The following CACNA2D3 variants were observed in gnomAD, a reference collection of about 807,000 sequenced individuals.
The protein encoded by CACNA2D3 is voltage-dependent calcium channel subunit alpha-2/delta-3.
CACNA2D3 carries 60 observed loss-of-function variants against 160.6 expected under a neutral mutation model. That is an observed-to-expected ratio of 0.37 (90% CI 0.30 to 0.46). The LOEUF is 0.46. CACNA2D3 is among the 20% of genes least tolerant of loss of function. The pLI, the probability that CACNA2D3 is intolerant of heterozygous loss-of-function variation, is 1.00. For missense variants in CACNA2D3, 1,205 were observed against 1,365.0 expected (o/e 0.88, Z 1.85); for synonymous variants, 558 against 492.9 (o/e 1.13, Z -1.75).
intron 26 of CACNA2D3, 62 bp from the exon 27 acceptor site, chr3:54,899,726 C>T: frequency 8.3e-7 from 1 of 1,208,388 alleles, no homozygotes; most frequent in Non-Finnish European, 1.2e-6. Flanking sequence ...GATATGATTA[C>T]TCTCTTAACG....
At chr3:54,521,524 T>C (rs1442818030) in intron 5 of CACNA2D3, among the ~76,000 whole-genome samples, 3 of 152,190 alleles carry the variant, frequency 2.0e-5, no homozygotes, top group African/African-American at 7.2e-5. Flanking sequence ...TGATGCTCTT[T>C]GAAGAACAAA....
chr3:54,151,004 A>G (rs1201258211), intron 2 of CACNA2D3, among the ~76,000 whole-genome samples: 1 of 151,968 alleles, frequency 6.6e-6, no homozygotes, highest in East Asian at 1.9e-4. Context: ...GGGTGGATAG[A>G]TGAATGAATG....
At chr3:54,361,101 A>T (rs1698734176) in intron 3 of CACNA2D3, among the ~76,000 whole-genome samples, 1 of 152,110 alleles carries the variant, frequency 6.6e-6, no homozygotes, top group Admixed American at 6.6e-5. Flanking sequence ...ATAAAAATGT[A>T]ATGTTTCTTA....
At chr3:54,898,064 C>CGCTCGCTTGCTT (rs1700232087) in intron 26 of CACNA2D3, among the ~76,000 whole-genome samples, 1 of 151,098 alleles carries the variant, frequency 6.6e-6, no homozygotes, top group Non-Finnish European at 1.5e-5. Context: ...GTCCGAAGCT[C>CGCTCGCTTGCTT]GCTTGCTTGC....
intron 29 of CACNA2D3, among the ~76,000 whole-genome samples, chr3:54,980,527 T>C (rs1318176488): frequency 6.6e-6 from 1 of 152,168 alleles, no homozygotes; most frequent in South Asian, 2.1e-4. Flanking sequence ...ACACCTTGAG[T>C]GTAGAACTGT....
chr3:55,032,340 G>A (rs940316114), intron 35 of CACNA2D3, among the ~76,000 whole-genome samples: 4 of 152,124 alleles, frequency 2.6e-5, no homozygotes, highest in African/African-American at 7.2e-5. Flanking sequence ...GGTTTGCTTT[G>A]GAAACTGAAA....
At chr3:54,625,551 G>C (rs1699079124) in intron 9 of CACNA2D3, among the ~76,000 whole-genome samples, 1 of 152,222 alleles carries the variant, frequency 6.6e-6, no homozygotes, top group Admixed American at 6.5e-5. Flanking sequence ...TGATGGGCCA[G>C]AGGGCAAGGA....
intron 11 of CACNA2D3, among the ~76,000 whole-genome samples, chr3:54,697,639 A>G (rs138713220): frequency 1.5e-4 from 23 of 152,254 alleles, no homozygotes; most frequent in Non-Finnish European, 2.6e-4. Flanking sequence ...TCTGGAAGGA[A>G]TGGAGCCATG....
intron 4 of CACNA2D3, among the ~76,000 whole-genome samples, chr3:54,442,234 C>T (rs1034486117): frequency 3.3e-5 from 5 of 152,136 alleles, no homozygotes; most frequent in Non-Finnish European, 7.3e-5. Context: ...TCTCAGCCTC[C>T]CTTGCATCTC....
At chr3:55,018,439 C>A in intron 35 of CACNA2D3, 122 bp downstream of exon 35, 1 of 631,544 alleles carries the variant, frequency 1.6e-6, no homozygotes, top group Non-Finnish European at 2.9e-6. Context: ...TGCCCTCTTG[C>A]GTAAGGAAGT....
At chr3:54,343,193 C>A (rs1698393523) in intron 3 of CACNA2D3, among the ~76,000 whole-genome samples, 1 of 152,210 alleles carries the variant, frequency 6.6e-6, no homozygotes, top group Admixed American at 6.5e-5. Flanking sequence ...TTAAAGCCCC[C>A]CCCTCCCACG....
chr3:55,054,384 T>C (rs1017912798), intron 35 of CACNA2D3, among the ~76,000 whole-genome samples: 3 of 151,828 alleles, frequency 2.0e-5, no homozygotes, highest in African/African-American at 7.2e-5. Flanking sequence ...TGACCTGACT[T>C]CAGGTATACT....
intron 4 of CACNA2D3, among the ~76,000 whole-genome samples, chr3:54,472,607 C>G (rs929570617): frequency 6.6e-6 from 1 of 152,298 alleles, no homozygotes; most frequent in African/African-American, 2.4e-5. Flanking sequence ...TGTCTGTTTG[C>G]AGATGACATG....
At chr3:54,768,057 AG>A (rs1167091187) in intron 13 of CACNA2D3, among the ~76,000 whole-genome samples, 1 of 152,180 alleles carries the variant, frequency 6.6e-6, no homozygotes, top group Non-Finnish European at 1.5e-5. Context: ...AAGACCAGTT[AG>A]GGCAAAGGTC....
rs546347996 is a variant in CACNA2D3, at chr3:55,028,391, A to C, written c.2987+10074A>C. 5.3e-4 allele frequency among the ~76,000 whole-genome samples: 80 copies of C among 152,282 alleles called. 1 individual carries two copies. The South Asian group carries it at 0.011, about 21-fold the overall frequency. On this transcript the variant is annotated intron_variant, in intron 35 of 37. Coordinates refer to ENST00000474759, the MANE Select transcript of CACNA2D3 (RefSeq NM_018398.3). Reference sequence around the variant, plus strand: ...GGTGGTTTGGCTGCTCTAACCAATAATTTTTGTCATCCAATACCCCACTGA... The same window carrying C: ...GGTGGTTTGGCTGCTCTAACCAATACTTTTTGTCATCCAATACCCCACTGA...
chr3:54,326,163 TC>T (rs1471267207), intron 3 of CACNA2D3, among the ~76,000 whole-genome samples: 1 of 152,218 alleles, frequency 6.6e-6, no homozygotes, highest in Admixed American at 6.5e-5. Flanking sequence ...AAGCTTTTTA[TC>T]GAGAAATTCC....
At chr3:54,268,699 G>A (rs1702564068) in intron 2 of CACNA2D3, among the ~76,000 whole-genome samples, 1 of 152,118 alleles carries the variant, frequency 6.6e-6, no homozygotes, top group Non-Finnish European at 1.5e-5. Flanking sequence ...GTAAGCCACC[G>A]TGCCCAGCTG....
chr3:54,825,037 T>C (rs1703721056), intron 14 of CACNA2D3, among the ~76,000 whole-genome samples: 1 of 152,210 alleles, frequency 6.6e-6, no homozygotes, highest in African/African-American at 2.4e-5. Flanking sequence ...TTCTCATTTA[T>C]TTAAATATGT....
At chr3:54,787,989 G>T (rs1447003212) in intron 13 of CACNA2D3, among the ~76,000 whole-genome samples, 1 of 152,190 alleles carries the variant, frequency 6.6e-6, no homozygotes. Flanking sequence ...CCCTGTCACT[G>T]TTTATAGTCT....
Sources: allele counts gnomAD v4.1 joint callset (sites outside exome capture counted in the v4.1 genomes callset), GRCh38; gene constraint gnomAD v4.1.1; transcripts MANE v1.5; gene names NCBI Gene and HGNC (gene_info 2026-07-23, HGNC 2026-07-21).